Variants in ALG8 observed in about 807,000 individuals in gnomAD.
ALG8 encodes the protein dolichyl pyrophosphate Glc1Man9GlcNAc2 alpha-1,3-glucosyltransferase.
A neutral mutation model predicts 70.2 loss-of-function variants in ALG8; 48 were observed. The ratio of observed to expected loss-of-function variants is 0.68; its 90% CI spans 0.54 to 0.87. The LOEUF is 0.87. Ranked by LOEUF, ALG8 falls within the 40% of genes least tolerant of loss-of-function variation. The pLI is 0.00. For missense variants in ALG8, 572 were observed against 608.7 expected, an observed-to-expected ratio of 0.94 and a Z score of 0.64; for synonymous variants, 234 against 229.0, an observed-to-expected ratio of 1.02 and a Z score of -0.20.
chr11:78,139,416 G>C, intron 1 of ALG8, 78 bp downstream of exon 1: 1 of 1,354,536 alleles, frequency 7.4e-7, no homozygotes, highest in Non-Finnish European at 1.0e-6. Context: ...CATACCCAGG[G>C]ATATCCACAC....
At chr11:78,129,170 C>T (rs1861200734) in intron 1 of ALG8, among the ~76,000 whole-genome samples, 1 of 151,614 alleles carries the variant, frequency 6.6e-6, no homozygotes, top group Non-Finnish European at 1.5e-5. Context: ...CCTGTAATTC[C>T]AGCACTTTGG....
intron 10 of ALG8, 72 bp downstream of exon 10, chr11:78,106,735 G>C: frequency 6.3e-7 from 1 of 1,595,030 alleles, no homozygotes; most frequent in South Asian, 1.1e-5. Flanking sequence ...TGACAAGAAG[G>C]GACAGAGCAA....
intron 1 of ALG8, among the ~76,000 whole-genome samples, chr11:78,129,922 G>T (rs572607627): frequency 6.6e-6 from 1 of 152,048 alleles, no homozygotes. Flanking sequence ...ACACAACAAC[G>T]CACAAACTTA....
intron 2 of ALG8, among the ~76,000 whole-genome samples, chr11:78,124,915 G>T (rs559847651): frequency 4.6e-5 from 7 of 152,106 alleles, no homozygotes; most frequent in African/African-American, 1.7e-4. Context: ...CATATTGCTT[G>T]GGATAAAATA....
chr11:78,138,994 T>C (rs981977512), intron 1 of ALG8: 4 of 344,998 alleles, frequency 1.2e-5, no homozygotes, highest in South Asian at 2.3e-5. Context: ...TTTTCATTTT[T>C]TGAATTTCAA....
rs1429634136 is a variant in ALG8 at position 78,119,454 on chromosome 11, A to C, written c.479-205T>G. ...TTTTTTTTTTTTTTTTTTGAGATGG[A>C]GTCTCACTCTGTCACCCAGGCTGGA... On this transcript the variant is annotated intron_variant, in intron 4 of 12. Coordinates refer to ENST00000299626, the MANE Select transcript of ALG8 (RefSeq NM_024079.5). Among the ~76,000 whole-genome samples, 9 of 133,428 alleles carry C rather than the reference A, an allele frequency of 6.7e-5. No homozygotes were observed. In the Admixed American group the frequency reaches 7.3e-4, roughly 11 times the overall value. 87.5% of individuals were successfully genotyped at this position (133,428 alleles called of 152,430 possible).
chr11:78,122,342 A>ATTTTT (rs375214398), intron 3 of ALG8, among the ~76,000 whole-genome samples: 2 of 138,926 alleles, frequency 1.4e-5, no homozygotes, highest in Non-Finnish European at 3.1e-5. Context: ...AGAGATTTCA[A>ATTTTT]TTTTTTTTTT....
rs1346281230 is a variant in ALG8, at chr11:78,100,966, A to T, written c.1579T>A (p.Ter527ArgextTer?). 6.2e-7 allele frequency: 1 copy of T among 1,613,524 alleles called. No homozygotes were observed. Among genetic ancestry groups the T allele is most frequent in the South Asian group, 1.1e-5 (1 of 91,074 alleles). Residue 527 changes from the stop codon to arginine, a stop_lost, in exon 13 of 13, where the codon TGA (stop) becomes AGA (arginine). Coordinates refer to ENST00000299626, the MANE Select transcript of ALG8 (RefSeq NM_024079.5). ...DSAIGKTKKQ[*>R] is the part of the protein sequence containing the mutation. ...ACATATCTAAGCAGTTCCTTTATTC[A>T]TTGTTTCTTTGTCTTGCCAATAGCA...
At chr11:78,139,468 A>G (rs768841826) in intron 1 of ALG8, 26 bp downstream of exon 1, 30 of 1,550,546 alleles carry the variant, frequency 1.9e-5, no homozygotes, top group Non-Finnish European at 2.4e-5. Flanking sequence ...CTCCCCGCCC[A>G]GCCCCTGGCC....
intron 10 of ALG8, 34 bp downstream of exon 10, chr11:78,106,773 G>T (rs780331751): frequency 6.2e-7 from 1 of 1,612,842 alleles, no homozygotes; most frequent in African/African-American, 1.3e-5. Flanking sequence ...TGTGAAATAT[G>T]CCAAAATGCT....
chr11:78,126,154 G>A (rs189744656), intron 2 of ALG8, among the ~76,000 whole-genome samples: 5 of 151,038 alleles, frequency 3.3e-5, no homozygotes, highest in East Asian at 2.0e-4. Context: ...GCGAGACTCC[G>A]TCTCAAAAAA....
chr11:78,139,615 A>G lies in ALG8; in HGVS notation c.-27T>C. ...GCTGCGGCACCGCACGCTTCCCACC[A>G]ACTTGATCCACATCCGGGATCCCGC... is the stretch of plus-strand genomic sequence containing the variant. On this transcript the variant is annotated 5_prime_UTR_variant, in exon 1 of 13. Coordinates refer to ENST00000299626, the MANE Select transcript of ALG8 (RefSeq NM_024079.5). 1 of 1,548,636 alleles carries G rather than the reference A, an allele frequency of 6.5e-7. No individual in the cohort carries two copies. The highest frequency in any genetic ancestry group is 8.7e-7 in the Non-Finnish European group (1 of 1,144,464).
intron 5 of ALG8, among the ~76,000 whole-genome samples, chr11:78,118,410 G>C (rs1267517657): frequency 6.6e-6 from 1 of 151,954 alleles, no homozygotes; most frequent in Non-Finnish European, 1.5e-5. Flanking sequence ...GAGGTCAGGA[G>C]TTTGAGACCA....
intron 10 of ALG8, 24 bp downstream of exon 10, chr11:78,106,783 T>A (rs1265351892): frequency 6.2e-7 from 1 of 1,613,532 alleles, no homozygotes; most frequent in Non-Finnish European, 8.5e-7. Context: ...GCCAAAATGC[T>A]CACTGGCTGA....
chr11:78,106,034 G>T (rs647602), intron 10 of ALG8, among the ~76,000 whole-genome samples: 130,097 of 152,162 alleles, frequency 0.85, 55,981 homozygotes, highest in African/African-American at 0.93. Flanking sequence ...ATTGTGAGGC[G>T]CAAAAGAAAG....
Position 78,114,354 on chromosome 11 carries a change from G to C in ALG8, c.585C>G (p.Leu195=). The change falls in exon 6 of 13, where the codon CTC becomes CTG. Residue 195 remains leucine, a synonymous_variant. Transcript: ENST00000299626. ...AGAGGTAGATATGCTTGAAATGTAG[G>C]AGAACAGCAAAGAGAAATGCTCCTT... ...HMEGAFLFAV[L]LHFKHIYLYV... is the part of the protein sequence containing the mutation. 1 of 1,614,068 alleles carries C rather than the reference G, an allele frequency of 6.2e-7. No individual in the cohort carries two copies. The highest frequency in any genetic ancestry group is 8.5e-7 in the Non-Finnish European group (1 of 1,179,980).
chr11:78,122,089 G>A (rs642558), intron 3 of ALG8, among the ~76,000 whole-genome samples: 21,993 of 152,046 alleles, frequency 0.14, 1,721 homozygotes, highest in East Asian at 0.29. Flanking sequence ...TTTTACAATG[G>A]GGATGTATTA....
At chr11:78,129,359 G>A (rs1485918963) in intron 1 of ALG8, among the ~76,000 whole-genome samples, 2 of 150,996 alleles carry the variant, frequency 1.3e-5, no homozygotes, top group African/African-American at 4.9e-5. Flanking sequence ...GGCGGAGCTT[G>A]CAGTGAGCTG....
chr11:78,131,150 G>A (rs930814955), intron 1 of ALG8, among the ~76,000 whole-genome samples: 2 of 151,860 alleles, frequency 1.3e-5, no homozygotes, highest in Non-Finnish European at 2.9e-5. Flanking sequence ...AACTGTTGGA[G>A]ACTTCACTTT....
Sources: allele counts gnomAD v4.1 joint callset (sites outside exome capture counted in the v4.1 genomes callset), GRCh38; gene constraint gnomAD v4.1.1; transcripts MANE v1.5; gene names NCBI Gene and HGNC (gene_info 2026-07-23, HGNC 2026-07-21).